ZFAND3: variants seen among roughly 807,000 people sequenced by gnomAD.
The protein encoded by ZFAND3 is AN1-type zinc finger protein 3.
A neutral mutation model predicts 29.6 loss-of-function variants in ZFAND3; 10 were observed. That is an observed-to-expected ratio of 0.34 (90% CI 0.21 to 0.57). The LOEUF is 0.57. ZFAND3 is among the 20% of genes least tolerant of loss of function. The pLI is 0.86. For synonymous variants in ZFAND3, 128 were observed against 112.6 expected, an observed-to-expected ratio of 1.14 and a Z score of -0.87; for missense variants, 230 against 304.5, an observed-to-expected ratio of 0.76 and a Z score of 1.82.
At chr6:38,044,669 T>C (rs1283873865) in intron 2 of ZFAND3, among the ~76,000 whole-genome samples, 1 of 152,248 alleles carries the variant, frequency 6.6e-6, no homozygotes, top group Non-Finnish European at 1.5e-5. Flanking sequence ...CAGCCTTTCT[T>C]GACATGCTAG....
chr6:38,019,219 A>C (rs1160604605), intron 2 of ZFAND3, among the ~76,000 whole-genome samples: 1 of 152,188 alleles, frequency 6.6e-6, no homozygotes. Flanking sequence ...CGGCCTCCCA[A>C]AGTGCTGGGA....
chr6:38,142,982 A>T (rs1242515740), intron 5 of ZFAND3: 1 of 152,440 alleles, frequency 6.6e-6, no homozygotes, highest in Non-Finnish European at 1.5e-5. Flanking sequence ...GCTTGCTTGG[A>T]GGAGAGTTCT....
intron 5 of ZFAND3, among the ~76,000 whole-genome samples, chr6:38,128,709 A>G (rs1765684128): frequency 6.6e-6 from 1 of 152,148 alleles, no homozygotes; most frequent in Admixed American, 6.5e-5. Flanking sequence ...ATATATGTAT[A>G]TATATACACC....
At chr6:38,140,310 G>C (rs1335129808) in intron 5 of ZFAND3, among the ~76,000 whole-genome samples, 1 of 152,128 alleles carries the variant, frequency 6.6e-6, no homozygotes, top group Non-Finnish European at 1.5e-5. Context: ...CAAAAAGAAG[G>C]TCCAGCACTG....
intron 4 of ZFAND3, among the ~76,000 whole-genome samples, chr6:38,100,699 A>C (rs1765075079): frequency 6.6e-6 from 1 of 152,170 alleles, no homozygotes; most frequent in African/African-American, 2.4e-5. Flanking sequence ...ACTTATCTCT[A>C]AGGATAGCTG....
intron 2 of ZFAND3, among the ~76,000 whole-genome samples, chr6:37,957,400 C>T (rs554580886): frequency 6.6e-6 from 1 of 151,060 alleles, no homozygotes; most frequent in East Asian, 2.0e-4. Context: ...TCTCAGTTTG[C>T]ACTTGTTCTT....
In ZFAND3 at chr6:38,052,942, G is replaced by A. The variant is rs181607041; in HGVS notation, c.113-8651G>A. Among the ~76,000 whole-genome samples, 469 of 151,814 alleles carry A rather than the reference G, an allele frequency of 3.1e-3. 3 individuals are homozygous for A. The highest frequency in any genetic ancestry group is 0.011 in the African/African-American group (446 of 41,376). ...CCAGCTACTTGGGTGGCCAAAGCAG[G>A]AGAATTGCTCGAACCCGGGAGGCGG... On this transcript the variant is annotated intron_variant, in intron 2 of 5. Coordinates refer to ENST00000287218, the MANE Select transcript of ZFAND3 (RefSeq NM_021943.3).
rs184537359 is a variant in ZFAND3 at position 38,022,754 on chromosome 6, A to G, written c.113-38839A>G. On this transcript the variant is annotated intron_variant, in intron 2 of 5. Coordinates refer to ENST00000287218, the MANE Select transcript of ZFAND3 (RefSeq NM_021943.3). ...TTTACCATTTGGTCAGAATTTATCTAAGAGCAGATAGGTAAATTGTGTAAT... is the reference window on the plus strand; with the variant it reads ...TTTACCATTTGGTCAGAATTTATCTGAGAGCAGATAGGTAAATTGTGTAAT... 2.6e-5 allele frequency among the ~76,000 whole-genome samples: 4 copies of G among 152,348 alleles called. No individual in the cohort carries two copies. In the East Asian group the frequency reaches 7.7e-4, roughly 29 times the overall value.
intron 2 of ZFAND3, among the ~76,000 whole-genome samples, chr6:38,000,092 C>T (rs1762918695): frequency 6.6e-6 from 1 of 152,032 alleles, no homozygotes; most frequent in Non-Finnish European, 1.5e-5. Flanking sequence ...ATTGCTTTTA[C>T]TTATCCCCCT....
At chr6:37,996,129 C>CA (rs754692144) in intron 2 of ZFAND3, among the ~76,000 whole-genome samples, 1,841 of 111,770 alleles carry the variant, frequency 0.016, 18 homozygotes, top group Non-Finnish European at 0.021. Context: ...AACTCCATTT[C>CA]AAAAAAAAAA....
At chr6:38,016,860 A>G (rs1763260569) in intron 2 of ZFAND3, among the ~76,000 whole-genome samples, 1 of 152,178 alleles carries the variant, frequency 6.6e-6, no homozygotes, top group Non-Finnish European at 1.5e-5. Flanking sequence ...CTCTAGAAAT[A>G]TTATTAAATA....
chr6:38,091,691 C>CTTTT (rs34406765), intron 4 of ZFAND3, among the ~76,000 whole-genome samples: 9,262 of 129,582 alleles, frequency 0.071, 497 homozygotes, highest in East Asian at 0.27. Flanking sequence ...ATTAAGGAGC[C>CTTTT]TTTTTTTTTT....
intron 2 of ZFAND3, among the ~76,000 whole-genome samples, chr6:38,002,285 C>CTT (rs559479814): frequency 0.013 from 1,790 of 137,874 alleles, 26 homozygotes; most frequent in East Asian, 0.056. Flanking sequence ...ATTTTCTTTT[C>CTT]TTTTTTTTTT....
chr6:37,842,576 C>T (rs1764098563), intron 1 of ZFAND3, among the ~76,000 whole-genome samples: 1 of 151,938 alleles, frequency 6.6e-6, no homozygotes, highest in Admixed American at 6.6e-5. Context: ...TTTATATATA[C>T]CCTAATTTGC....
intron 5 of ZFAND3, among the ~76,000 whole-genome samples, chr6:38,140,485 C>T (rs1292757157): frequency 6.6e-6 from 1 of 150,702 alleles, no homozygotes; most frequent in African/African-American, 2.4e-5. Flanking sequence ...AGGCTCCATT[C>T]GTAGGGTGTT....
chr6:37,928,251 TC>T (rs1226103724), intron 1 of ZFAND3, among the ~76,000 whole-genome samples: 1 of 152,226 alleles, frequency 6.6e-6, no homozygotes, highest in Non-Finnish European at 1.5e-5. Context: ...AGAGAATACT[TC>T]CTGAGGGAGG....
intron 2 of ZFAND3, among the ~76,000 whole-genome samples, chr6:37,952,293 AT>A (rs1456069765): frequency 1.3e-5 from 2 of 151,890 alleles, no homozygotes; most frequent in East Asian, 3.9e-4. Context: ...GCTATCCCTT[AT>A]TTGTCTGGTA....
chr6:37,925,299 A>G (rs1011517374), intron 1 of ZFAND3, among the ~76,000 whole-genome samples: 1 of 152,212 alleles, frequency 6.6e-6, no homozygotes, highest in Non-Finnish European at 1.5e-5. Flanking sequence ...TGGCCATCAT[A>G]GAAGCATTAA....
At chr6:38,148,989 C>T (rs1766166594) in intron 5 of ZFAND3, among the ~76,000 whole-genome samples, 3 of 152,114 alleles carry the variant, frequency 2.0e-5, no homozygotes, top group Non-Finnish European at 4.4e-5. Flanking sequence ...AATTACAGTG[C>T]CATATATTCT....
Sources: gnomAD v4.1 joint callset for allele counts (sites outside exome capture counted in the v4.1 genomes callset) on GRCh38, gnomAD v4.1.1 for gene constraint, MANE v1.5 for transcripts, NCBI Gene and HGNC (gene_info 2026-07-23, HGNC 2026-07-21) for gene names.